SAMMSON: variants seen among roughly 807,000 people sequenced by gnomAD.
The protein encoded by SAMMSON is survival associated mitochondrial melanoma specific oncogenic non-coding RNA, also known as long intergenic non-protein coding RNA 1212.
In SAMMSON at chr3:70,401,055, C is replaced by G. The variant is rs186644080; in HGVS notation, n.233+42731C>G. Among the ~76,000 whole-genome samples, 7 of 152,306 alleles carry G rather than the reference C, an allele frequency of 4.6e-5. No individual in the cohort carries two copies. In the East Asian group the frequency reaches 1.2e-3, roughly 25 times the overall value. ...TTAAGACTAATGTCAATGTTATCCACTAATATAATATTACATACTGCTCTA... is the reference window on the plus strand; with the variant it reads ...TTAAGACTAATGTCAATGTTATCCAGTAATATAATATTACATACTGCTCTA... On this transcript the variant is annotated intron_variant and non_coding_transcript_variant, in intron 2 of 3. Coordinates refer to the SAMMSON transcript ENST00000641053.
chr3:70,104,988 T>TA (rs994146852), intron 4 of SAMMSON, among the ~76,000 whole-genome samples: 3 of 151,842 alleles, frequency 2.0e-5, no homozygotes, highest in Admixed American at 6.6e-5. Context: ...GGGAAAGCAG[T>TA]AAAAAAAATC....
At chr3:70,016,933 T>G (rs979109272) in intron 3 of SAMMSON, among the ~76,000 whole-genome samples, 6 of 152,130 alleles carry the variant, frequency 3.9e-5, no homozygotes, top group African/African-American at 1.4e-4. Flanking sequence ...TCTGTTCTGT[T>G]CCATTGGTCT....
intron 7 of SAMMSON, among the ~76,000 whole-genome samples, chr3:70,336,871 G>A (rs1202689867): frequency 6.8e-6 from 1 of 148,148 alleles, no homozygotes; most frequent in African/African-American, 2.5e-5. Context: ...GAGAGAGAGA[G>A]GGAGAAAAAA....
chr3:70,171,498 T>G (rs574722243), intron 4 of SAMMSON, among the ~76,000 whole-genome samples: 1 of 151,994 alleles, frequency 6.6e-6, no homozygotes, highest in Non-Finnish European at 1.5e-5. Flanking sequence ...TAAATAAAAA[T>G]ACATTTTCAA....
intron 4 of SAMMSON, among the ~76,000 whole-genome samples, chr3:70,157,475 G>T (rs1435721079): frequency 6.6e-6 from 1 of 152,070 alleles, no homozygotes; most frequent in Non-Finnish European, 1.5e-5. Context: ...ATAGTAATTT[G>T]CAAGAGTTTA....
intron 4 of SAMMSON, chr3:70,125,752 A>C: frequency 1.5e-6 from 1 of 664,828 alleles, no homozygotes; most frequent in East Asian, 2.7e-5. Context: ...AAGTATGTTC[A>C]ACATATCCTT....
chr3:70,156,210 G>A (rs756565184), intron 4 of SAMMSON, among the ~76,000 whole-genome samples: 1 of 152,038 alleles, frequency 6.6e-6, no homozygotes, highest in Non-Finnish European at 1.5e-5. Flanking sequence ...TCGGATGAGG[G>A]TTTGTTTCTG....
intron 7 of SAMMSON, among the ~76,000 whole-genome samples, chr3:70,336,314 A>G (rs769934206): frequency 6.6e-6 from 1 of 151,982 alleles, no homozygotes; most frequent in Non-Finnish European, 1.5e-5. Flanking sequence ...AGGGCATTAT[A>G]TAATTTTAAT....
intron 4 of SAMMSON, among the ~76,000 whole-genome samples, chr3:70,103,493 A>AT (rs1488208622): frequency 6.6e-6 from 1 of 152,178 alleles, no homozygotes; most frequent in Non-Finnish European, 1.5e-5. Flanking sequence ...ACATCTATAC[A>AT]TTTTTATGGT....
At position 70,017,787 on chromosome 3, in the gene SAMMSON, G is replaced by A. The variant is rs972256282; in HGVS notation, n.417+4115G>A. ...ATACCTAATTTATTGATAGGTTTTA[G>A]CATGAAGCGTTGTTGAATTTTGTGA... is the stretch of plus-strand genomic sequence containing the variant. On this transcript the variant is annotated intron_variant and non_coding_transcript_variant, in intron 3 of 9. Coordinates refer to ENST00000642114, the Ensembl canonical transcript of SAMMSON. Among the ~76,000 whole-genome samples, 104 of 152,238 alleles carry A rather than the reference G, an allele frequency of 6.8e-4. 1 individual carries two copies. The highest frequency in any genetic ancestry group is 3.1e-4 in the Non-Finnish European group (21 of 68,018).
At chr3:70,011,895 G>A (rs2066957642) in intron 1 of SAMMSON, among the ~76,000 whole-genome samples, 1 of 152,092 alleles carries the variant, frequency 6.6e-6, no homozygotes, top group African/African-American at 2.4e-5. Context: ...AGAGAGAACT[G>A]TGGAAACTTA....
intron 3 of SAMMSON, among the ~76,000 whole-genome samples, chr3:70,037,508 A>G (rs2067090793): frequency 6.6e-6 from 1 of 152,192 alleles, no homozygotes; most frequent in South Asian, 2.1e-4. Flanking sequence ...GGCTGGGCCA[A>G]GAGATGGAGA....
chr3:70,043,130 A>G (rs1415323698), intron 3 of SAMMSON, among the ~76,000 whole-genome samples: 1 of 152,114 alleles, frequency 6.6e-6, no homozygotes, highest in South Asian at 2.1e-4. Flanking sequence ...TTTTGATCAT[A>G]TATGTGTTAC....
At chr3:70,020,607 C>G (rs1457387244) in intron 3 of SAMMSON, among the ~76,000 whole-genome samples, 1 of 152,096 alleles carries the variant, frequency 6.6e-6, no homozygotes, top group Admixed American at 6.6e-5. Flanking sequence ...TCCTCATACT[C>G]CACAGCTTTC....
intron 4 of SAMMSON, among the ~76,000 whole-genome samples, chr3:70,073,517 G>A (rs1242859462): frequency 6.6e-6 from 1 of 151,892 alleles, no homozygotes; most frequent in Non-Finnish European, 1.5e-5. Flanking sequence ...TGTGTAGAAT[G>A]AGAAGTAGAG....
chr3:70,241,757 A>G (rs932384496), intron 4 of SAMMSON, among the ~76,000 whole-genome samples: 3 of 152,180 alleles, frequency 2.0e-5, no homozygotes, highest in African/African-American at 7.2e-5. Context: ...ACATGAGTCC[A>G]TTTAATCCTT....
chr3:70,098,344 A>G (rs1576121203), intron 4 of SAMMSON, among the ~76,000 whole-genome samples: 1 of 151,600 alleles, frequency 6.6e-6, no homozygotes, highest in African/African-American at 2.4e-5. Context: ...CCCTACTGCC[A>G]CCTGAGTGAG....
intron 7 of SAMMSON, among the ~76,000 whole-genome samples, chr3:70,311,348 G>A (rs1482448451): frequency 6.6e-6 from 1 of 152,118 alleles, no homozygotes; most frequent in Admixed American, 6.6e-5. Context: ...GCGCAAATCT[G>A]TACTCATTAG....
At chr3:70,249,492 T>A (rs1443861228) in intron 5 of SAMMSON, 1 of 152,172 alleles carries the variant, frequency 6.6e-6, no homozygotes, top group Admixed American at 6.6e-5. Flanking sequence ...AATTTTTCCC[T>A]CACATCTTTC....
Sources: allele counts gnomAD v4.1 joint callset (sites outside exome capture counted in the v4.1 genomes callset), GRCh38; gene constraint gnomAD v4.1.1; transcripts MANE v1.5; gene names NCBI Gene and HGNC (gene_info 2026-07-23, HGNC 2026-07-21).